ANO3: variants seen among roughly 807,000 people sequenced by gnomAD.
ANO3 encodes the protein anoctamin-3.
In ANO3, 99 loss-of-function variants were observed where a neutral mutation model predicts 144.8. That is an observed-to-expected ratio of 0.68 (90% confidence interval 0.58 to 0.81). ANO3 has a LOEUF of 0.81. Among genes scored for constraint, ANO3 ranks in the 30% least tolerant of loss-of-function variants. ANO3 has a pLI of 0.00. For missense variants in ANO3, 905 were observed against 1,202.2 expected (o/e 0.75, Z 3.66); for synonymous variants, 414 against 392.6 (o/e 1.05, Z -0.64).
At chr11:26,658,156 C>G (rs561844734) in intron 26 of ANO3, among the ~76,000 whole-genome samples, 1 of 124,930 alleles carries the variant, frequency 8.0e-6, no homozygotes, top group East Asian at 2.4e-4. Context: ...TAGTTTCATT[C>G]TCGTGCACAT....
chr11:26,535,925 C>G (rs1849497725), intron 9 of ANO3, among the ~76,000 whole-genome samples: 1 of 151,902 alleles, frequency 6.6e-6, no homozygotes, highest in Non-Finnish European at 1.5e-5. Flanking sequence ...TGTTGTTCTT[C>G]TAATTAATAA....
At chr11:26,595,444 G>C (rs1851581418) in intron 14 of ANO3, among the ~76,000 whole-genome samples, 1 of 129,686 alleles carries the variant, frequency 7.7e-6, no homozygotes, top group Non-Finnish European at 1.6e-5. Flanking sequence ...TTTTGACTCA[G>C]TATTGAGATA....
intron 4 of ANO3, among the ~76,000 whole-genome samples, chr11:26,468,783 G>T (rs958112930): frequency 2.6e-5 from 4 of 151,914 alleles, no homozygotes; most frequent in African/African-American, 9.7e-5. Context: ...GCTCTATATG[G>T]CTGCTTTAAT....
intron 1 of ANO3, among the ~76,000 whole-genome samples, chr11:26,192,847 A>C (rs573673699): frequency 6.6e-6 from 1 of 152,274 alleles, no homozygotes; most frequent in South Asian, 2.1e-4. Context: ...CCAGTGAGGG[A>C]AATTGCCTCT....
At chr11:26,443,283 G>C (rs1269311753) in intron 2 of ANO3, among the ~76,000 whole-genome samples, 1 of 152,088 alleles carries the variant, frequency 6.6e-6, no homozygotes, top group African/African-American at 2.4e-5. Context: ...ACATAATATA[G>C]GTGTTTCTTT....
At chr11:26,490,943 G>T (rs901216144) in intron 4 of ANO3, among the ~76,000 whole-genome samples, 1 of 152,122 alleles carries the variant, frequency 6.6e-6, no homozygotes, top group African/African-American at 2.4e-5. Flanking sequence ...CCTACACCAT[G>T]GTGGTTCTTA....
chr11:26,469,522 T>C (rs1859707879), intron 4 of ANO3, among the ~76,000 whole-genome samples: 1 of 151,954 alleles, frequency 6.6e-6, no homozygotes, highest in East Asian at 1.9e-4. Flanking sequence ...TAAAGAGGTA[T>C]ACTCAAACTG....
Position 26,211,567 on chromosome 11 carries a change from G to C in ANO3, c.154+22237G>C, listed in dbSNP as rs375256478. 1.4e-4 allele frequency among the ~76,000 whole-genome samples: 21 copies of C among 152,270 alleles called. No individual in the cohort carries two copies. In the East Asian group the frequency reaches 2.3e-3, roughly 17 times the overall value. ...ATTAAAACATCAGAAAACAACAGAT[G>C]CTGGAGCGGATGTGGAGAAATAGGA... On this transcript the variant is annotated intron_variant, in intron 1 of 27. Coordinates refer to the ANO3 transcript ENST00000672621.
chr11:26,623,976 C>T (rs1004559509), intron 17 of ANO3, among the ~76,000 whole-genome samples: 2 of 151,690 alleles, frequency 1.3e-5, no homozygotes, highest in Non-Finnish European at 1.5e-5. Flanking sequence ...TTAGTAGAGA[C>T]GGGGTTTCAC....
chr11:26,440,209 A>G (rs182532940), intron 1 of ANO3, among the ~76,000 whole-genome samples: 8 of 152,282 alleles, frequency 5.3e-5, no homozygotes, highest in Admixed American at 2.6e-4. Flanking sequence ...ACAATTTACC[A>G]TATGTATTCG....
intron 12 of ANO3, among the ~76,000 whole-genome samples, chr11:26,552,314 CT>C (rs113697171): frequency 6.6e-6 from 1 of 151,820 alleles, no homozygotes; most frequent in Non-Finnish European, 1.5e-5. Context: ...CACACGCATT[CT>C]TTTTTTTGGT....
intron 1 of ANO3, among the ~76,000 whole-genome samples, chr11:26,394,586 T>G (rs1446516262): frequency 6.7e-6 from 1 of 150,306 alleles, no homozygotes; most frequent in Non-Finnish European, 1.5e-5. Flanking sequence ...TTTTTTTTTT[T>G]TTTGTTTGGA....
At chr11:26,610,913 A>T (rs1463040752) in intron 17 of ANO3, among the ~76,000 whole-genome samples, 1 of 151,688 alleles carries the variant, frequency 6.6e-6, no homozygotes, top group Non-Finnish European at 1.5e-5. Flanking sequence ...ATGTTCGCAA[A>T]CTTTTTGGTG....
chr11:26,239,687 C>T (rs1852617324), intron 1 of ANO3, among the ~76,000 whole-genome samples: 1 of 152,200 alleles, frequency 6.6e-6, no homozygotes, highest in South Asian at 2.1e-4. Context: ...GCATGCCCAG[C>T]TTCTGTCTGT....
intron 1 of ANO3, among the ~76,000 whole-genome samples, chr11:26,219,311 T>G (rs1371378297): frequency 6.6e-6 from 1 of 152,160 alleles, no homozygotes; most frequent in Non-Finnish European, 1.5e-5. Context: ...AAAGTAAATA[T>G]GAGTTAGAAA....
intron 1 of ANO3, among the ~76,000 whole-genome samples, chr11:26,257,956 A>G (rs1254143879): frequency 6.6e-6 from 1 of 152,140 alleles, no homozygotes; most frequent in Non-Finnish European, 1.5e-5. Flanking sequence ...ACACAGTTTT[A>G]TTTCATATTT....
upstream of ANO3, among the ~76,000 whole-genome samples, chr11:26,308,964 G>A (rs1854445440): frequency 6.6e-6 from 1 of 152,132 alleles, no homozygotes; most frequent in Non-Finnish European, 1.5e-5. Context: ...ACTGAGGTCA[G>A]AGTTTTTAAT....
chr11:26,529,511 G>C (rs1171712567), intron 7 of ANO3, among the ~76,000 whole-genome samples: 1 of 128,856 alleles, frequency 7.8e-6, no homozygotes, highest in Non-Finnish European at 1.6e-5. Context: ...AATAATTCCT[G>C]AGATACAATA....
At chr11:26,530,655 T>A (rs1849346930) in intron 7 of ANO3, among the ~76,000 whole-genome samples, 1 of 150,618 alleles carries the variant, frequency 6.6e-6, no homozygotes, top group Non-Finnish European at 1.5e-5. Flanking sequence ...GGTCAGGAGA[T>A]CAAGACCTTC....
Sources: gnomAD v4.1 joint callset for allele counts (sites outside exome capture counted in the v4.1 genomes callset) on GRCh38, gnomAD v4.1.1 for gene constraint, MANE v1.5 for transcripts, NCBI Gene and HGNC (gene_info 2026-07-23, HGNC 2026-07-21) for gene names.